The following DNAAF5 variants were observed in gnomAD, a reference collection of about 807,000 sequenced individuals.
The protein encoded by DNAAF5 is dynein axonemal assembly factor 5, also known as HEAT repeat containing 2.
Under a neutral mutation model 75.8 loss-of-function variants are expected in DNAAF5, and 64 were observed. The ratio of observed to expected loss-of-function variants is 0.84; its 90% CI spans 0.69 to 1.04. The LOEUF (loss-of-function observed/expected upper bound fraction) is 1.04, where lower values mean the gene tolerates loss of function less well. Among genes scored for constraint, DNAAF5 ranks in the 50% least tolerant of loss-of-function variants. DNAAF5 has a pLI of 0.00. For missense variants in DNAAF5, 1,269 were observed against 1,178.5 expected, an observed-to-expected ratio of 1.08 and a Z score of -1.12; for synonymous variants, 657 against 557.2, an observed-to-expected ratio of 1.18 and a Z score of -2.52.
intron 11 of DNAAF5, among the ~76,000 whole-genome samples, chr7:775,534 GTGTGTA>G (rs1267611980): frequency 1.4e-5 from 2 of 144,514 alleles, no homozygotes; most frequent in Non-Finnish European, 3.0e-5. Flanking sequence ...GTGTGTGTGT[GTGTGTA>G]TGGCTACATA....
At chr7:736,240 A>G (rs1288578815) in intron 2 of DNAAF5, among the ~76,000 whole-genome samples, 1 of 152,206 alleles carries the variant, frequency 6.6e-6, no homozygotes, top group African/African-American at 2.4e-5. Context: ...TATAGTACAG[A>G]TTAAGTCTGA....
intron 7 of DNAAF5, among the ~76,000 whole-genome samples, chr7:762,511 G>A (rs1782693623): frequency 6.6e-6 from 1 of 151,330 alleles, no homozygotes; most frequent in South Asian, 2.1e-4. Context: ...AAAAGTGCAT[G>A]TGCATGTGTG....
chr7:772,301 C>G (rs1778593997), intron 9 of DNAAF5: 1 of 152,258 alleles, frequency 6.6e-6, no homozygotes, highest in Non-Finnish European at 1.5e-5. Flanking sequence ...TGTAGAGCAT[C>G]CCTAATCCGA....
Position 785,793 on chromosome 7 carries a change from C to A in DNAAF5, c.*140C>A. On this transcript the variant is annotated 3_prime_UTR_variant, in exon 13 of 13. Transcript: ENST00000297440. ...ATGTACTCCTCAGGACACCTGCCCA[C>A]TCTTTCCCTGGAATAACAGCCTCTG... 1.2e-6 allele frequency: 1 copy of A among 858,194 alleles called. No homozygotes were observed. Among genetic ancestry groups the A allele is most frequent in the Non-Finnish European group, 1.7e-6 (1 of 575,692 alleles). The allele number at this position is 858,194 out of a possible 1,614,324, so 53.2% of individuals were successfully genotyped here.
At chr7:765,586 T>C (rs919461612) in intron 8 of DNAAF5, among the ~76,000 whole-genome samples, 1 of 152,094 alleles carries the variant, frequency 6.6e-6, no homozygotes, top group Admixed American at 6.5e-5. Flanking sequence ...GCGGAACTGA[T>C]TGGCAGCTTG....
intron 2 of DNAAF5, among the ~76,000 whole-genome samples, chr7:740,282 G>T (rs981946805): frequency 6.6e-6 from 1 of 152,204 alleles, no homozygotes; most frequent in Non-Finnish European, 1.5e-5. Context: ...AGGCCCTCGT[G>T]CCCCCTCTTC....
At chr7:774,366 C>T (rs539572962) in intron 10 of DNAAF5, among the ~76,000 whole-genome samples, 168 bp downstream of exon 10, 1 of 152,314 alleles carries the variant, frequency 6.6e-6, no homozygotes, top group African/African-American at 2.4e-5. Flanking sequence ...AGGGCAGGAG[C>T]CGGCGGCCGG....
intron 4 of DNAAF5, among the ~76,000 whole-genome samples, chr7:752,223 G>A (rs1295747569): frequency 6.6e-6 from 1 of 152,252 alleles, no homozygotes; most frequent in Non-Finnish European, 1.5e-5. Flanking sequence ...AAGTGAACTT[G>A]GAGTCAAAAA....
intron 2 of DNAAF5, among the ~76,000 whole-genome samples, chr7:739,076 CTGG>C: frequency 1.4e-5 from 2 of 142,342 alleles, no homozygotes; most frequent in East Asian, 2.0e-4. Flanking sequence ...TGGCTGCAGT[CTGG>C]CTTGTCTCAG....
At chr7:768,983 G>T (rs1404414359) in intron 8 of DNAAF5, 3 of 594,570 alleles carry the variant, frequency 5.0e-6, no homozygotes, top group Non-Finnish European at 6.1e-6. Context: ...CGTCCCAGCA[G>T]CTTCGGTGCA....
intron 2 of DNAAF5, among the ~76,000 whole-genome samples, chr7:739,365 C>G (rs1277679773): frequency 6.6e-6 from 1 of 152,222 alleles, no homozygotes; most frequent in Non-Finnish European, 1.5e-5. Context: ...CCTGGGCTGT[C>G]TCTGCTCGAG....
At chr7:784,575 C>G (rs1262017193) in intron 12 of DNAAF5, among the ~76,000 whole-genome samples, 1 of 152,156 alleles carries the variant, frequency 6.6e-6, no homozygotes, top group African/African-American at 2.4e-5. Context: ...CTCCCACTGC[C>G]CCCATCACAC....
intron 8 of DNAAF5, among the ~76,000 whole-genome samples, chr7:764,487 A>G (rs1293237532): frequency 6.6e-6 from 1 of 152,216 alleles, no homozygotes; most frequent in Non-Finnish European, 1.5e-5. Context: ...CTCAGCAGCC[A>G]TAGTGCCTTG....
chr7:746,974 C>T (rs937277150), intron 4 of DNAAF5, among the ~76,000 whole-genome samples: 1 of 152,242 alleles, frequency 6.6e-6, no homozygotes, highest in Non-Finnish European at 1.5e-5. Flanking sequence ...GTGTCTGCAG[C>T]ACTTTCCTTC....
Position 727,099 on chromosome 7 carries a change from G to C in DNAAF5, c.379G>C (p.Gly127Arg), listed in dbSNP as rs1384237045. ...LLPALAARLA[G>R]PVPARRPPEA... ...GCCCGCGCTCGCCGCGCGCTTGGCC[G>C]GCCCCGTGCCCGCGCGCCGCCCGCC... Residue 127 changes from glycine (G) to arginine (R), a missense_variant, in exon 1 of 13, where the codon GGC becomes CGC. Gly to Arg is a moderately radical substitution (Grantham distance 125). Coordinates refer to ENST00000297440, the MANE Select transcript of DNAAF5 (RefSeq NM_017802.4). 1.3e-5 allele frequency: 14 copies of C among 1,074,586 alleles called. No homozygotes were observed. In the Admixed American group the frequency reaches 6.5e-4, roughly 50 times the overall value. 66.6% of individuals were successfully genotyped at this position (1,074,586 alleles called of 1,614,324 possible).
At chr7:752,379 G>A (rs1434123783) in intron 4 of DNAAF5, among the ~76,000 whole-genome samples, 1 of 147,846 alleles carries the variant, frequency 6.8e-6, no homozygotes. Context: ...TTGTCACCGC[G>A]GGCCGGGCCA....
In DNAAF5 at chr7:727,257, C is replaced by A; in HGVS notation, c.537C>A (p.Phe179Leu). ...RALRCSLLDP[F>L]AAVRRESCSC... ...TGCGCTGCTCCCTGCTCGACCCCTT[C>A]GCCGCCGTGCGCCGCGAGAGCTGCA... is the stretch of plus-strand genomic sequence containing the variant. The change falls in exon 1 of 13, where the codon TTC becomes TTA. Residue 179 changes from phenylalanine to leucine, a missense_variant. Physicochemically the swap from Phe to Leu is conservative, Grantham distance 22. Transcript: ENST00000297440. 6.0e-6 allele frequency: 8 copies of A among 1,332,296 alleles called. No individual in the cohort carries two copies. The highest frequency in any genetic ancestry group is 7.7e-6 in the Non-Finnish European group (8 of 1,045,558). The allele number at this position is 1,332,296 out of a possible 1,614,324, so 82.5% of individuals were successfully genotyped here. A position where few individuals can be genotyped will look rare whatever the true frequency, so the allele number is the denominator to read the frequency against.
At chr7:764,929 C>T (rs962683693) in intron 8 of DNAAF5, among the ~76,000 whole-genome samples, 60 of 152,130 alleles carry the variant, frequency 3.9e-4, no homozygotes, top group African/African-American at 1.3e-3. Flanking sequence ...AAAAACCGCA[C>T]GTGCACCTCT....
chr7:785,787 T>C lies in DNAAF5; in HGVS notation c.*134T>C. 2 of 973,028 alleles carry C rather than the reference T, an allele frequency of 2.1e-6. No homozygotes were observed. The highest frequency in any genetic ancestry group is 3.0e-6 in the Non-Finnish European group (2 of 674,286). 60.3% of individuals were successfully genotyped at this position (973,028 alleles called of 1,614,324 possible). Reference sequence around the variant, plus strand: ...GCAAGAATGTACTCCTCAGGACACCTGCCCACTCTTTCCCTGGAATAACAG... The same window carrying C: ...GCAAGAATGTACTCCTCAGGACACCCGCCCACTCTTTCCCTGGAATAACAG... On this transcript the variant is annotated 3_prime_UTR_variant, in exon 13 of 13. Coordinates refer to ENST00000297440, the MANE Select transcript of DNAAF5 (RefSeq NM_017802.4).
Sources: gnomAD v4.1 joint callset for allele counts (sites outside exome capture counted in the v4.1 genomes callset) on GRCh38, gnomAD v4.1.1 for gene constraint, MANE v1.5 for transcripts, NCBI Gene and HGNC (gene_info 2026-07-23, HGNC 2026-07-21) for gene names.